Variants in LRRC37A2 observed in about 807,000 individuals in gnomAD.
LRRC37A2 encodes leucine rich repeat containing 37 member A2.
Under a neutral mutation model 68.8 loss-of-function variants are expected in LRRC37A2, and 9 were observed. The ratio of observed to expected loss-of-function variants is 0.13; its 90% CI spans 0.08 to 0.23. LRRC37A2 has a LOEUF of 0.23. LRRC37A2 is among the 10% of genes least tolerant of loss of function. The pLI is 1.00. For synonymous variants in LRRC37A2, 63 were observed against 367.6 expected, an observed-to-expected ratio of 0.17 and a Z score of 9.48; for missense variants, 168 against 950.4, an observed-to-expected ratio of 0.18 and a Z score of 10.82.
the LRRC37A2 span, among the ~76,000 whole-genome samples, chr17:46,495,665 A>G: frequency 6.6e-6 from 1 of 150,762 alleles, no homozygotes; most frequent in East Asian, 1.9e-4. Flanking sequence ...GACTACAGGC[A>G]TGAGCCACTG....
At chr17:46,834,895 A>G in the LRRC37A2 span, among the ~76,000 whole-genome samples, 6 of 152,162 alleles carry the variant, frequency 3.9e-5, no homozygotes, top group Admixed American at 1.3e-4. Flanking sequence ...AAGCATTCCA[A>G]AAAATGGCCA....
At chr17:46,942,780 G>A in the LRRC37A2 span, among the ~76,000 whole-genome samples, 1 of 152,236 alleles carries the variant, frequency 6.6e-6, no homozygotes, top group Non-Finnish European at 1.5e-5. Flanking sequence ...CTTAGAAGCT[G>A]AGAAAGGAAA....
chr17:46,865,719 G>T, the LRRC37A2 span, among the ~76,000 whole-genome samples: 1 of 152,096 alleles, frequency 6.6e-6, no homozygotes, highest in African/African-American at 2.4e-5. Context: ...GGGCTCAAGC[G>T]ATCCTCCTAG....
the LRRC37A2 span, among the ~76,000 whole-genome samples, chr17:46,771,200 A>G: frequency 6.6e-6 from 1 of 152,154 alleles, no homozygotes; most frequent in South Asian, 2.1e-4. Flanking sequence ...GAGGGCGAAG[A>G]GTGCAGAGCT....
chr17:46,890,394 G>A, the LRRC37A2 span, among the ~76,000 whole-genome samples: 1 of 152,200 alleles, frequency 6.6e-6, no homozygotes, highest in Non-Finnish European at 1.5e-5. Flanking sequence ...GAGGCTGGAT[G>A]GTGGGGAGTG....
the LRRC37A2 span, among the ~76,000 whole-genome samples, chr17:46,787,567 T>C: frequency 2.6e-5 from 4 of 152,310 alleles, no homozygotes; most frequent in South Asian, 6.2e-4. Context: ...GTCTCTCTCA[T>C]AGCACGCAGA....
the LRRC37A2 span, among the ~76,000 whole-genome samples, chr17:46,957,075 C>T: frequency 0.4 from 61,173 of 152,004 alleles, 12,537 homozygotes; most frequent in South Asian, 0.48. Flanking sequence ...TTGGGAGGCC[C>T]AGGCGGGTGG....
chr17:46,960,857 T>A, the LRRC37A2 span, among the ~76,000 whole-genome samples: 3 of 151,572 alleles, frequency 2.0e-5, no homozygotes, highest in East Asian at 5.8e-4. Context: ...GGAAGAAGAG[T>A]TTGTGGATTT....
the LRRC37A2 span, among the ~76,000 whole-genome samples, chr17:46,914,785 GA>G: frequency 6.6e-6 from 1 of 152,016 alleles, no homozygotes; most frequent in South Asian, 2.1e-4. Flanking sequence ...TGCCTGCCAG[GA>G]ATGCCCTGTG....
At chr17:46,792,940 A>G in the LRRC37A2 span, among the ~76,000 whole-genome samples, 1 of 152,056 alleles carries the variant, frequency 6.6e-6, no homozygotes, top group East Asian at 1.9e-4. Flanking sequence ...AAAGTCACAT[A>G]GCTAGGAAAT....
At chr17:47,037,005 G>A in the LRRC37A2 span, among the ~76,000 whole-genome samples, 3 of 125,926 alleles carry the variant, frequency 2.4e-5, no homozygotes, top group Non-Finnish European at 5.1e-5. Flanking sequence ...AAGAGGATAT[G>A]TTAGCAGGGC....
the LRRC37A2 span, among the ~76,000 whole-genome samples, chr17:46,858,855 T>C: frequency 1.3e-5 from 2 of 151,994 alleles, no homozygotes; most frequent in Non-Finnish European, 1.5e-5. Context: ...TTTGTAGAGA[T>C]GGGGTTTTGC....
the LRRC37A2 span, chr17:46,729,004 A>G: frequency 7.5e-6 from 7 of 931,690 alleles, no homozygotes; most frequent in Non-Finnish European, 1.1e-5. Context: ...TAATGATACA[A>G]TCTTTAAATA....
At chr17:46,755,676 A>G in the LRRC37A2 span, 1 of 997,316 alleles carries the variant, frequency 1.0e-6, no homozygotes. Context: ...TCTAATAGCA[A>G]ATGCATAGTG....
chr17:47,027,493 A>G, the LRRC37A2 span: 339 of 785,598 alleles, frequency 4.3e-4, no homozygotes, highest in African/African-American at 3.3e-3. Context: ...AACTCTTGCT[A>G]TTATTCATAC....
chr17:46,962,751 G>A, the LRRC37A2 span, among the ~76,000 whole-genome samples: 64,127 of 152,056 alleles, frequency 0.42, 13,750 homozygotes, highest in South Asian at 0.5. Flanking sequence ...TCAGTATCAC[G>A]TGCAGCAGGA....
the LRRC37A2 span, among the ~76,000 whole-genome samples, chr17:46,680,278 A>G: frequency 6.6e-6 from 1 of 151,896 alleles, no homozygotes; most frequent in African/African-American, 2.4e-5. Flanking sequence ...ATATTCATGC[A>G]AAAACAGACC....
chr17:46,865,880 G>A, the LRRC37A2 span, among the ~76,000 whole-genome samples: 1 of 152,154 alleles, frequency 6.6e-6, no homozygotes, highest in African/African-American at 2.4e-5. Context: ...CCAAAGTGCT[G>A]GTACTACAGG....
the LRRC37A2 span, among the ~76,000 whole-genome samples, chr17:46,868,300 C>T: frequency 1.3e-5 from 2 of 152,146 alleles, no homozygotes; most frequent in African/African-American, 4.8e-5. Flanking sequence ...TCATTAAGAC[C>T]CCCATATTTG....
Sources: gnomAD v4.1 joint callset for allele counts (sites outside exome capture counted in the v4.1 genomes callset) on GRCh38, gnomAD v4.1.1 for gene constraint, MANE v1.5 for transcripts, NCBI Gene and HGNC (gene_info 2026-07-23, HGNC 2026-07-21) for gene names.